Variants in TRUB1 observed in about 807,000 individuals in gnomAD.
TRUB1 encodes TruB pseudouridine synthase family member 1, also known as pseudouridylate synthase TRUB1.
TRUB1 carries 23 observed loss-of-function variants against 33.9 expected under a neutral mutation model. The observed-to-expected ratio is 0.68, with a 90% confidence interval of 0.49 to 0.96. The LOEUF (loss-of-function observed/expected upper bound fraction) is 0.96. Ranked by LOEUF, TRUB1 falls within the 40% of genes least tolerant of loss-of-function variation. TRUB1 has a pLI of 0.00. For missense variants in TRUB1, 378 were observed against 422.2 expected, an observed-to-expected ratio of 0.90 and a Z score of 0.92; for synonymous variants, 163 against 165.4, an observed-to-expected ratio of 0.99 and a Z score of 0.11.
intron 1 of TRUB1, among the ~76,000 whole-genome samples, chr10:114,939,366 TCTTAC>T (rs1428326242): frequency 6.6e-6 from 1 of 152,226 alleles, no homozygotes; most frequent in Non-Finnish European, 1.5e-5. Flanking sequence ...AAGATAACTC[TCTTAC>T]CTTAACTGAG....
In TRUB1 at chr10:114,975,722, A is replaced by G. The variant is rs149219476; in HGVS notation, c.*343A>G. 6.2e-6 allele frequency: 1 copy of G among 161,244 alleles called. No homozygotes were observed. The highest frequency in any genetic ancestry group is 2.4e-5 in the African/African-American group (1 of 41,944). The allele number at this position is 161,244 out of a possible 1,614,324, so 10.0% of individuals were successfully genotyped here. A position where few individuals can be genotyped will look rare whatever the true frequency, so the allele number is the denominator to read the frequency against. ...AAATTTCCTAATCAAAGAAAAAAGT[A>G]TGAGCTCCATGTTTCTTTAGTTTCA... is the stretch of plus-strand genomic sequence containing the variant. On this transcript the variant is annotated 3_prime_UTR_variant, in exon 8 of 8. Transcript: ENST00000298746.
intron 4 of TRUB1, among the ~76,000 whole-genome samples, chr10:114,964,690 T>C (rs2084299068): frequency 6.6e-6 from 1 of 152,208 alleles, no homozygotes; most frequent in African/African-American, 2.4e-5. Flanking sequence ...CCACCTTTTC[T>C]TCCTGCATGG....
intron 2 of TRUB1, among the ~76,000 whole-genome samples, chr10:114,950,631 A>G (rs1300192232): frequency 6.6e-6 from 1 of 152,068 alleles, no homozygotes; most frequent in Non-Finnish European, 1.5e-5. Context: ...TCTTTTCTTG[A>G]TTGTATATAC....
At chr10:114,952,485 GTAGA>G (rs1293041752) in intron 3 of TRUB1, among the ~76,000 whole-genome samples, 8 of 151,996 alleles carry the variant, frequency 5.3e-5, no homozygotes, top group African/African-American at 7.3e-5. Flanking sequence ...AGGTAGATAG[GTAGA>G]TAGGTAGGTA....
chr10:114,948,969 G>A lies in TRUB1; in HGVS notation c.386-2125G>A, dbSNP rs1016571117. On this transcript the variant is annotated intron_variant, in intron 2 of 7. Coordinates refer to ENST00000298746, the MANE Select transcript of TRUB1 (RefSeq NM_139169.5). ...CCTTCAAAGGCCTAATACAAACTCC[G>A]AAATGCTTGAATGAAGCATTCTCCG... 3.3e-5 allele frequency among the ~76,000 whole-genome samples: 5 copies of A among 152,164 alleles called. No homozygotes were observed. The East Asian group carries it at 5.8e-4, about 18-fold the overall frequency.
chr10:114,953,525 A>G (rs1430331080), intron 3 of TRUB1, among the ~76,000 whole-genome samples: 2 of 152,108 alleles, frequency 1.3e-5, no homozygotes, highest in Non-Finnish European at 2.9e-5. Flanking sequence ...CATCTTATCT[A>G]GTGACTTTCA....
At chr10:114,953,632 C>T (rs1564698876) in intron 3 of TRUB1, among the ~76,000 whole-genome samples, 1 of 151,948 alleles carries the variant, frequency 6.6e-6, no homozygotes, top group Non-Finnish European at 1.5e-5. Context: ...TATCAAACAA[C>T]TTTGTGTTAG....
intron 3 of TRUB1, among the ~76,000 whole-genome samples, chr10:114,957,202 G>C (rs534199517): frequency 1.2e-4 from 19 of 152,308 alleles, no homozygotes; most frequent in African/African-American, 4.1e-4. Context: ...CATACTTGCA[G>C]AAAGTAAGGA....
chr10:114,964,750 A>C (rs534032208), intron 4 of TRUB1, among the ~76,000 whole-genome samples: 1 of 151,982 alleles, frequency 6.6e-6, no homozygotes, highest in African/African-American at 2.4e-5. Flanking sequence ...TCTCTTCTTT[A>C]TTACACATCA....
At chr10:114,949,417 C>T (rs1021530300) in intron 2 of TRUB1, among the ~76,000 whole-genome samples, 3 of 152,078 alleles carry the variant, frequency 2.0e-5, no homozygotes, top group Admixed American at 2.0e-4. Flanking sequence ...TGATCTTAGA[C>T]CTTGAACTAT....
chr10:114,957,999 T>G (rs914551400), intron 3 of TRUB1, among the ~76,000 whole-genome samples: 1 of 152,244 alleles, frequency 6.6e-6, no homozygotes, highest in African/African-American at 2.4e-5. Context: ...TATTATTATC[T>G]GTTATTTACC....
intron 4 of TRUB1, among the ~76,000 whole-genome samples, chr10:114,960,311 A>G (rs2084280004): frequency 6.6e-6 from 1 of 152,186 alleles, no homozygotes; most frequent in Non-Finnish European, 1.5e-5. Flanking sequence ...ACTGGGGCCC[A>G]CCTTAAGTTT....
At chr10:114,944,190 G>A (rs2084201803) in intron 2 of TRUB1, among the ~76,000 whole-genome samples, 1 of 151,418 alleles carries the variant, frequency 6.6e-6, no homozygotes, top group African/African-American at 2.4e-5. Flanking sequence ...AAACTTTTAT[G>A]GAACAATACT....
At chr10:114,943,419 A>G (rs1402449805) in intron 2 of TRUB1, among the ~76,000 whole-genome samples, 1 of 152,170 alleles carries the variant, frequency 6.6e-6, no homozygotes, top group East Asian at 1.9e-4. Context: ...AATCCCAGCT[A>G]CTTGGGAGGC....
chr10:114,974,347 G>A lies in TRUB1; in HGVS notation c.755G>A (p.Gly252Asp), dbSNP rs556793703. 3 of 1,612,840 alleles carry A rather than the reference G, an allele frequency of 1.9e-6. No individual in the cohort carries two copies. Among genetic ancestry groups the A allele is most frequent in the East Asian group, 4.5e-5 (2 of 44,818 alleles). Reference protein sequence around the residue: ...FFTLDVECGGGFYIRSLVSDI... With the variant: ...FFTLDVECGGDFYIRSLVSDI... The stretch of plus-strand genomic sequence containing the variant: ...ATTCCAGATGTTGAATGTGGAGGAG[G>A]TTTTTATATCAGAAGCTTGGTCAGT... The change falls in exon 7 of 8, where the codon GGT becomes GAT. Residue 252 changes from glycine to aspartate, a missense_variant. By Grantham distance (94) the Gly-to-Asp change is moderately conservative. Transcript: ENST00000298746.
intron 2 of TRUB1, 144 bp downstream of exon 2, chr10:114,942,887 A>G: frequency 1.7e-6 from 1 of 580,662 alleles, no homozygotes. Flanking sequence ...ATATAGTGCC[A>G]TCTTTTAAAG....
intron 2 of TRUB1, among the ~76,000 whole-genome samples, chr10:114,945,004 T>G (rs1315818339): frequency 6.6e-6 from 1 of 152,148 alleles, no homozygotes; most frequent in Non-Finnish European, 1.5e-5. Context: ...ATAACAAGCA[T>G]TTATTGAGCA....
chr10:114,972,120 C>A lies in TRUB1; in HGVS notation c.597-15C>A, dbSNP rs773543088. 1.4e-5 allele frequency: 23 copies of A among 1,611,774 alleles called. No homozygotes were observed. The highest frequency in any genetic ancestry group is 2.0e-5 in the Non-Finnish European group (23 of 1,179,262). On this transcript the variant is annotated splice_polypyrimidine_tract_variant and intron_variant, in intron 5 of 7. Transcript: ENST00000298746. ...CTCTCCTTTCCTTCCATTTCTCCTT[C>A]TCTCATCTCACAAGCTATTCTGCAT...
chr10:114,963,966 CGTGTGTGTGT>C (rs35359334), intron 4 of TRUB1, among the ~76,000 whole-genome samples: 1 of 148,904 alleles, frequency 6.7e-6, no homozygotes, highest in South Asian at 2.1e-4. Context: ...GAATATAGGT[CGTGTGTGTGT>C]GTGTGTGTGT....
Sources: allele counts gnomAD v4.1 joint callset (sites outside exome capture counted in the v4.1 genomes callset), GRCh38; gene constraint gnomAD v4.1.1; transcripts MANE v1.5; gene names NCBI Gene and HGNC (gene_info 2026-07-23, HGNC 2026-07-21).